COL12A1: variants seen among roughly 807,000 people sequenced by gnomAD.
The protein encoded by COL12A1 is collagen alpha-1(XII) chain.
Under a neutral mutation model 349.7 loss-of-function variants are expected in COL12A1, and 114 were observed. The ratio of observed to expected loss-of-function variants is 0.33; its 90% confidence interval spans 0.28 to 0.38. COL12A1 has a LOEUF of 0.38. Among genes scored for constraint, COL12A1 ranks in the 10% least tolerant of loss-of-function variants. The pLI is 1.00. For synonymous variants in COL12A1, 1,369 were observed against 1,329.0 expected, an observed-to-expected ratio of 1.03 and a Z score of -0.66; for missense variants, 3,284 against 3,756.9, an observed-to-expected ratio of 0.87 and a Z score of 3.29.
chr6:75,171,351 C>T (rs549561892), intron 13 of COL12A1, among the ~76,000 whole-genome samples: 64 of 152,278 alleles, frequency 4.2e-4, no homozygotes, highest in African/African-American at 1.5e-3. Context: ...TTCCCCAATG[C>T]CAGTGCTAAT....
intron 2 of COL12A1, among the ~76,000 whole-genome samples, chr6:75,196,499 A>T (rs1207092854): frequency 6.6e-6 from 1 of 152,200 alleles, no homozygotes; most frequent in Non-Finnish European, 1.5e-5. Context: ...TATTGGATAC[A>T]CTAGTATTGG....
chr6:75,096,611 CAG>C (rs1457555071), intron 59 of COL12A1, among the ~76,000 whole-genome samples: 2 of 152,128 alleles, frequency 1.3e-5, no homozygotes, highest in South Asian at 2.1e-4. Flanking sequence ...AATTCTGTAA[CAG>C]GGGCCGGGCG....
chr6:75,117,131 G>A (rs1297827338), intron 47 of COL12A1, among the ~76,000 whole-genome samples: 1 of 152,128 alleles, frequency 6.6e-6, no homozygotes, highest in African/African-American at 2.4e-5. Context: ...GCATTGGGGT[G>A]GTGGGAAAAG....
At chr6:75,106,075 A>C (rs1203686669) in intron 53 of COL12A1, among the ~76,000 whole-genome samples, 1 of 152,162 alleles carries the variant, frequency 6.6e-6, no homozygotes, top group East Asian at 1.9e-4. Context: ...CCATCTAAAA[A>C]ACCTTAGTCA....
At chr6:75,151,325 CA>C in intron 20 of COL12A1, 38 bp from the exon 21 acceptor site, 1 of 1,583,150 alleles carries the variant, frequency 6.3e-7, no homozygotes, top group Non-Finnish European at 8.6e-7. Context: ...AAGCACTTCT[CA>C]GAAAAAAATT....
At chr6:75,191,621 G>T in intron 5 of COL12A1, 80 bp downstream of exon 5, 3 of 847,778 alleles carry the variant, frequency 3.5e-6, no homozygotes, top group Non-Finnish European at 5.4e-6. Flanking sequence ...ATCAATCTAT[G>T]TATATAATTG....
At position 75,202,796 on chromosome 6, in the gene COL12A1, T is replaced by C; in HGVS notation, c.-4A>G. ...CTGGGGGAAGCCTACTCCGCATCCT[T>C]GGCCTCCGAGCTTACAGCGGCATGA... On this transcript the variant is annotated 5_prime_UTR_variant, in exon 2 of 66. Transcript: ENST00000322507. The C allele has an allele frequency of 6.4e-7, 1 of 1,551,718 alleles. No individual in the cohort carries two copies. The highest frequency in any genetic ancestry group is 8.7e-7 in the Non-Finnish European group (1 of 1,146,960).
At chr6:75,158,830 A>G (rs1381910008) in intron 14 of COL12A1, among the ~76,000 whole-genome samples, 2 of 152,078 alleles carry the variant, frequency 1.3e-5, no homozygotes, top group Non-Finnish European at 2.9e-5. Flanking sequence ...ATGAAACACA[A>G]GGAAAGAAAA....
intron 13 of COL12A1, among the ~76,000 whole-genome samples, chr6:75,173,545 T>C (rs897829895): frequency 6.6e-6 from 1 of 152,104 alleles, no homozygotes; most frequent in African/African-American, 2.4e-5. Flanking sequence ...CACAGCTAAT[T>C]TTTGTATTTA....
At chr6:75,117,679 G>T in intron 46 of COL12A1, 133 bp from the exon 47 acceptor site, 2 of 810,318 alleles carry the variant, frequency 2.5e-6, no homozygotes, top group Non-Finnish European at 3.7e-6. Context: ...TTTACTTGAC[G>T]TGAACTCTCT....
At chr6:75,154,644 T>C (rs1291766345) in intron 16 of COL12A1, 107 bp from the exon 17 acceptor site, 12 of 1,177,600 alleles carry the variant, frequency 1.0e-5, no homozygotes, top group African/African-American at 4.7e-5. Flanking sequence ...AAGCTTACAC[T>C]ATGAAGAGTT....
intron 40 of COL12A1, 66 bp downstream of exon 40, chr6:75,125,061 A>G (rs1765946334): frequency 1.4e-6 from 2 of 1,443,106 alleles, no homozygotes; most frequent in Admixed American, 2.2e-5. Flanking sequence ...CAGGAAATTA[A>G]AACAGGCTGA....
intron 8 of COL12A1, among the ~76,000 whole-genome samples, chr6:75,185,865 G>A (rs1267434367): frequency 2.0e-5 from 3 of 152,244 alleles, no homozygotes; most frequent in East Asian, 3.9e-4. Flanking sequence ...AAGCACTGGG[G>A]AAAGGACCCC....
At chr6:75,135,059 C>T (rs1248700268) in intron 31 of COL12A1, among the ~76,000 whole-genome samples, 1 of 151,794 alleles carries the variant, frequency 6.6e-6, no homozygotes, top group Admixed American at 6.6e-5. Context: ...GGATTCCAAG[C>T]TTTAAACTGG....
chr6:75,087,805 A>G, intron 64 of COL12A1, 58 bp from the exon 65 acceptor site: 1 of 1,550,804 alleles, frequency 6.4e-7, no homozygotes, highest in Non-Finnish European at 8.8e-7. Context: ...CTCCTGAGGT[A>G]GCCACCAATA....
Position 75,090,370 on chromosome 6 carries a change from C to T in COL12A1, c.8753-72G>A. The stretch of plus-strand genomic sequence containing the variant: ...GGATGAGAGAGTGAAACTGTTTTCT[C>T]TTAGTGTCTAGTGAAATCCATCTCC... On this transcript the variant is annotated intron_variant, in intron 62 of 65. Coordinates refer to ENST00000322507, the MANE Select transcript of COL12A1 (RefSeq NM_004370.6). This position sits in a 1 kb window ranked among gnomAD's most constrained non-coding sequence, Gnocchi z 4.1. 7.0e-7 allele frequency: 1 copy of T among 1,427,558 alleles called. No homozygotes were observed. The highest frequency in any genetic ancestry group is 9.6e-7 in the Non-Finnish European group (1 of 1,046,304). 88.4% of individuals were successfully genotyped at this position (1,427,558 alleles called of 1,614,324 possible).
intron 5 of COL12A1, among the ~76,000 whole-genome samples, chr6:75,190,341 T>A (rs1303971859): frequency 6.6e-6 from 1 of 151,960 alleles, no homozygotes; most frequent in Non-Finnish European, 1.5e-5. Context: ...CACTTTTCAA[T>A]ATAATTGTCT....
chr6:75,178,633 T>C (rs1314146360), intron 11 of COL12A1, among the ~76,000 whole-genome samples: 1 of 152,220 alleles, frequency 6.6e-6, no homozygotes, highest in African/African-American at 2.4e-5. Context: ...TTAAATGACC[T>C]TCTTGCTCAA....
Position 75,189,890 on chromosome 6 carries a change from A to G in COL12A1, c.395-75T>C, listed in dbSNP as rs1010671137. On this transcript the variant is annotated intron_variant, in intron 5 of 65. Coordinates refer to ENST00000322507, the MANE Select transcript of COL12A1 (RefSeq NM_004370.6). The stretch of plus-strand genomic sequence containing the variant: ...ATCAATACATGTTAACATTGCAAAA[A>G]TGTTGGCTCCTTAAATCATTCTGTT... 7 of 1,507,122 alleles carry G rather than the reference A, an allele frequency of 4.6e-6. No homozygotes were observed. In the Middle Eastern group the frequency reaches 5.3e-4, roughly 114 times the overall value. 93.4% of individuals were successfully genotyped at this position (1,507,122 alleles called of 1,614,324 possible).
Sources: gnomAD v4.1 joint callset for allele counts (sites outside exome capture counted in the v4.1 genomes callset) on GRCh38, gnomAD v4.1.1 for gene constraint, Gnocchi (gnomAD v3.1) non-coding constraint, MANE v1.5 for transcripts, NCBI Gene and HGNC (gene_info 2026-07-23, HGNC 2026-07-21) for gene names.